The following GRB2 variants were observed in gnomAD, a reference collection of about 807,000 sequenced individuals.
GRB2 encodes the protein growth factor receptor bound protein 2.
A neutral mutation model predicts 27.4 loss-of-function variants in GRB2; 2 were observed. That is an observed-to-expected ratio of 0.07 (90% CI 0.03 to 0.23). GRB2 has a LOEUF of 0.23. Among genes scored for constraint, GRB2 ranks in the 10% least tolerant of loss-of-function variants. GRB2 has a pLI of 1.00. For synonymous variants in GRB2, 94 were observed against 99.6 expected (o/e 0.94, Z 0.33); for missense variants, 102 against 282.4 (o/e 0.36, Z 4.58).
intron 1 of GRB2, among the ~76,000 whole-genome samples, chr17:75,404,355 G>T (rs1478219500): frequency 6.6e-6 from 1 of 152,054 alleles, no homozygotes; most frequent in Non-Finnish European, 1.5e-5. Flanking sequence ...AACCCTTCTG[G>T]CTGACTGCAG....
chr17:75,363,993 C>G (rs1041958614), intron 2 of GRB2, among the ~76,000 whole-genome samples: 3 of 151,796 alleles, frequency 2.0e-5, no homozygotes, highest in Non-Finnish European at 2.9e-5. Flanking sequence ...TCATTGCTGC[C>G]TGTATTCTAT....
At chr17:75,372,801 C>G (rs776789762) in intron 2 of GRB2, 3 of 152,184 alleles carry the variant, frequency 2.0e-5, no homozygotes, top group Non-Finnish European at 4.4e-5. Flanking sequence ...AAATATCAGG[C>G]ACATGGAAGA....
intron 2 of GRB2, among the ~76,000 whole-genome samples, chr17:75,336,890 A>C (rs1209550385): frequency 6.6e-6 from 1 of 152,058 alleles, no homozygotes; most frequent in Non-Finnish European, 1.5e-5. Context: ...GGCATGCGCC[A>C]CTATACCCAG....
chr17:75,350,801 G>A (rs1256732014), intron 2 of GRB2, among the ~76,000 whole-genome samples: 2 of 152,152 alleles, frequency 1.3e-5, no homozygotes, highest in East Asian at 1.9e-4. Flanking sequence ...CACTTGGGTG[G>A]TAATATTTGA....
At chr17:75,370,828 C>G (rs1033349179) in intron 2 of GRB2, 1 of 152,144 alleles carries the variant, frequency 6.6e-6, no homozygotes, top group African/African-American at 2.4e-5. Flanking sequence ...TTTTATACAT[C>G]CAAAGAATAA....
intron 3 of GRB2, among the ~76,000 whole-genome samples, chr17:75,331,112 G>A (rs902224961): frequency 2.1e-4 from 32 of 152,202 alleles, no homozygotes; most frequent in African/African-American, 7.0e-4. Flanking sequence ...CAGCCACAGA[G>A]CAGCCCTATA....
intron 2 of GRB2, among the ~76,000 whole-genome samples, chr17:75,354,085 G>C (rs2078712787): frequency 6.6e-6 from 1 of 151,942 alleles, no homozygotes; most frequent in African/African-American, 2.4e-5. Flanking sequence ...CAAATGTTTT[G>C]AGTCCTTGCA....
At chr17:75,392,062 T>A (rs1178305862) in intron 2 of GRB2, among the ~76,000 whole-genome samples, 3 of 152,170 alleles carry the variant, frequency 2.0e-5, no homozygotes, top group African/African-American at 7.2e-5. Context: ...TCTTATACCA[T>A]CACAAGTGGG....
rs527869076 is a variant in GRB2 at position 75,346,189 on chromosome 17, T to C, written c.79-13392A>G. Among the ~76,000 whole-genome samples, 132 of 137,490 alleles carry C rather than the reference T, an allele frequency of 9.6e-4. 2 individuals are homozygous for C. The Middle Eastern group carries it at 0.02, about 21-fold the overall frequency. The allele number at this position is 137,490 out of a possible 152,430, so 90.2% of individuals were successfully genotyped here. A position where few individuals can be genotyped will look rare whatever the true frequency, so the allele number is the denominator to read the frequency against. ...TTTTTTTTTTTTTTTTTCTGAAAAC[T>C]GCTTTAGAAAAACTGCTATATTGGC... On this transcript the variant is annotated intron_variant, in intron 2 of 5. Coordinates refer to ENST00000316804, the MANE Select transcript of GRB2 (RefSeq NM_002086.5).
intron 2 of GRB2, among the ~76,000 whole-genome samples, chr17:75,380,141 A>T (rs1378590125): frequency 6.6e-6 from 1 of 152,074 alleles, no homozygotes; most frequent in Non-Finnish European, 1.5e-5. Flanking sequence ...ATACAGGTGG[A>T]AGATGATGTA....
intron 2 of GRB2, among the ~76,000 whole-genome samples, chr17:75,341,770 T>A (rs188192834): frequency 5.3e-5 from 8 of 152,214 alleles, no homozygotes; most frequent in Non-Finnish European, 1.2e-4. Flanking sequence ...AAAGTGGGGA[T>A]CAGTGTGACA....
chr17:75,393,503 G>C (rs377571052), intron 2 of GRB2, 48 bp downstream of exon 2: 96 of 1,425,948 alleles, frequency 6.7e-5, no homozygotes, highest in Non-Finnish European at 9.0e-5. Context: ...GAAGGTGGGT[G>C]AGCACAGGGA....
intron 4 of GRB2, among the ~76,000 whole-genome samples, chr17:75,322,612 G>C (rs1180280644): frequency 1.3e-5 from 2 of 152,204 alleles, no homozygotes; most frequent in East Asian, 3.9e-4. Flanking sequence ...AAAGGTCTCT[G>C]AACAAAAGGA....
intron 1 of GRB2, among the ~76,000 whole-genome samples, chr17:75,400,135 C>A (rs2079054944): frequency 6.6e-6 from 1 of 151,938 alleles, no homozygotes; most frequent in Non-Finnish European, 1.5e-5. Flanking sequence ...GTAGCTGGGA[C>A]TACAGGTGTG....
Position 75,325,927 on chromosome 17 carries a change from G to A in GRB2, c.270C>T (p.Ser90=). ...CAGAGAGGGAGAAGTCCCCAGGAGC[G>A]CTCTCACTCTCTCGGATAAGAAAGG... is the stretch of plus-strand genomic sequence containing the variant. ...DGAFLIRESE[S]APGDFSLSVK... is the part of the protein sequence containing the mutation. The change falls in exon 4 of 6, where the codon AGC becomes AGT. Residue 90 remains serine (S), a synonymous_variant. Transcript: ENST00000316804. The A allele has an allele frequency of 6.2e-7, 1 of 1,613,542 alleles. No homozygotes were observed. The highest frequency in any genetic ancestry group is 8.5e-7 in the Non-Finnish European group (1 of 1,179,648).
chr17:75,403,924 G>A lies in GRB2; in HGVS notation c.-138+1565C>T, dbSNP rs577523768. 2.6e-5 allele frequency among the ~76,000 whole-genome samples: 4 copies of A among 152,146 alleles called. No homozygotes were observed. In the South Asian group the frequency reaches 8.3e-4, roughly 32 times the overall value. On this transcript the variant is annotated intron_variant, in intron 1 of 5. Transcript: ENST00000316804. ...AGGTCAAGAGTTCAAGACCAACCTGGGCAACACAGTGAAACCCCATCTCTA... is the reference window on the plus strand; with the variant it reads ...AGGTCAAGAGTTCAAGACCAACCTGAGCAACACAGTGAAACCCCATCTCTA...
chr17:75,338,150 G>A (rs2078594200), intron 2 of GRB2, among the ~76,000 whole-genome samples: 1 of 151,932 alleles, frequency 6.6e-6, no homozygotes. Flanking sequence ...GGCTGGTCTT[G>A]AACCTCTGAC....
At chr17:75,377,601 A>G (rs1436270735) in intron 2 of GRB2, among the ~76,000 whole-genome samples, 10 of 30,342 alleles carry the variant, frequency 3.3e-4, no homozygotes, top group South Asian at 2.2e-3. Context: ...GTCTCAGAAA[A>G]AAAAAAAAAA....
chr17:75,332,138 C>T (rs985897716), intron 3 of GRB2, among the ~76,000 whole-genome samples: 3 of 151,868 alleles, frequency 2.0e-5, no homozygotes, highest in Non-Finnish European at 4.4e-5. Context: ...CACTATGTTG[C>T]GTTATTAATA....
Sources: allele counts gnomAD v4.1 joint callset (sites outside exome capture counted in the v4.1 genomes callset), GRCh38; gene constraint gnomAD v4.1.1; transcripts MANE v1.5; gene names NCBI Gene and HGNC (gene_info 2026-07-23, HGNC 2026-07-21).